The following SND1 variants were observed in gnomAD, a reference collection of about 807,000 sequenced individuals.
SND1 encodes staphylococcal nuclease domain-containing protein 1.
A neutral mutation model predicts 121.7 loss-of-function variants in SND1; 38 were observed. The observed-to-expected ratio is 0.31, with a 90% CI of 0.24 to 0.41. The LOEUF (loss-of-function observed/expected upper bound fraction) is 0.41, where lower values mean the gene tolerates loss of function less well. SND1 is among the 10% of genes least tolerant of loss of function. SND1 has a pLI of 1.00. For missense variants in SND1, 868 were observed against 1,184.6 expected (o/e 0.73, Z 3.92); for synonymous variants, 401 against 447.4 (o/e 0.90, Z 1.31).
chr7:128,078,951 G>A, intron 17 of SND1, among the ~76,000 whole-genome samples: 1 of 152,236 alleles, frequency 6.6e-6, no homozygotes, highest in East Asian at 1.9e-4. Flanking sequence ...CAGAGGACGT[G>A]CTGAGGGATT....
In SND1 at chr7:128,059,461, T is replaced by C. The variant is rs3757756; in HGVS notation, c.1780-15041T>C. Among the ~76,000 whole-genome samples, 7 of 152,380 alleles carry C rather than the reference T, an allele frequency of 4.6e-5. No individual in the cohort carries two copies. The East Asian group carries it at 1.3e-3, about 29-fold the overall frequency. ...AAGATAACAAAAACCCATTTCTTGG[T>C]CAGTTGATTAAAGTGAATGTTAGGT... On this transcript the variant is annotated intron_variant, in intron 16 of 23. Transcript: ENST00000354725.
chr7:127,853,216 G>A (rs1799205856), intron 12 of SND1, among the ~76,000 whole-genome samples: 1 of 152,144 alleles, frequency 6.6e-6, no homozygotes, highest in East Asian at 1.9e-4. Context: ...GCAAGTGGGG[G>A]CTCGGGGTTG....
At position 127,652,202 on chromosome 7, in the gene SND1, C is replaced by T; in HGVS notation, c.-172C>T. 7.5e-6 allele frequency: 5 copies of T among 668,382 alleles called. No individual in the cohort carries two copies. The highest frequency in any genetic ancestry group is 1.4e-5 in the Non-Finnish European group (5 of 366,100). 41.4% of individuals were successfully genotyped at this position (668,382 alleles called of 1,614,324 possible). On this transcript the variant is annotated 5_prime_UTR_variant, in exon 1 of 24. Coordinates refer to ENST00000354725, the MANE Select transcript of SND1 (RefSeq NM_014390.4). ...GGCGGCGGAGATCGCGTCTCTTTCG[C>T]TCCGTGTCCCGCTGCTGCTCCTGTG...
In SND1 at chr7:128,089,521, A is replaced by T; in HGVS notation, c.2451A>T (p.Val817=). ...CCCGCACGGACGCCGTGGACAGCGTAGTTCGGGATATCCAGAACACTCAGT... is the reference window on the plus strand; with the variant it reads ...CCCGCACGGACGCCGTGGACAGCGTTGTTCGGGATATCCAGAACACTCAGT... ...DDARTDAVDS[V]VRDIQNTQCL... is the part of the protein sequence containing the mutation. Residue 817 remains valine, a synonymous_variant, in exon 22 of 24, where the codon GTA becomes GTT. Coordinates refer to ENST00000354725, the MANE Select transcript of SND1 (RefSeq NM_014390.4). 17 of 1,614,156 alleles carry T rather than the reference A, an allele frequency of 1.1e-5. No individual in the cohort carries two copies. The highest frequency in any genetic ancestry group is 1.4e-5 in the Non-Finnish European group (17 of 1,179,986).
At chr7:127,742,853 G>C (rs548791672) in intron 10 of SND1, among the ~76,000 whole-genome samples, 1 of 152,256 alleles carries the variant, frequency 6.6e-6, no homozygotes, top group South Asian at 2.1e-4. Flanking sequence ...ATGCAAGAGG[G>C]ACACACCCCA....
chr7:128,032,985 C>T (rs1459435613), intron 16 of SND1, among the ~76,000 whole-genome samples: 1 of 152,160 alleles, frequency 6.6e-6, no homozygotes, highest in Non-Finnish European at 1.5e-5. Flanking sequence ...CGACACAGCC[C>T]GTTCATTCAT....
intron 16 of SND1, among the ~76,000 whole-genome samples, chr7:128,046,287 T>C (rs1792944323): frequency 6.6e-6 from 1 of 151,840 alleles, no homozygotes. Flanking sequence ...TTTGTAGAGA[T>C]GGGATCCTGC....
At chr7:127,998,183 T>A (rs1261519887) in intron 16 of SND1, 1 of 331,756 alleles carries the variant, frequency 3.0e-6, no homozygotes, top group African/African-American at 2.2e-5. Flanking sequence ...TATTTTGTTG[T>A]CCTTTATGGT....
intron 14 of SND1, among the ~76,000 whole-genome samples, chr7:127,908,314 ATAAATGTG>A (rs1181169112): frequency 1.6e-5 from 2 of 122,818 alleles, no homozygotes; most frequent in South Asian, 5.9e-4. Context: ...AAAAATAATA[ATAAATGTG>A]TGTGTGTGTG....
intron 13 of SND1, among the ~76,000 whole-genome samples, chr7:127,900,242 A>T (rs1029428672): frequency 6.6e-6 from 1 of 152,100 alleles, no homozygotes; most frequent in Non-Finnish European, 1.5e-5. Flanking sequence ...TATGATTGTG[A>T]TAAGGTTGGA....
chr7:127,929,160 G>A (rs748155834), intron 14 of SND1, 28 bp from the exon 15 acceptor site: 1 of 1,612,046 alleles, frequency 6.2e-7, no homozygotes, highest in Admixed American at 1.7e-5. Context: ...TTACTTTCCA[G>A]TTACTCTTTT....
chr7:127,904,915 C>A, intron 14 of SND1, 96 bp downstream of exon 14: 1 of 811,928 alleles, frequency 1.2e-6, no homozygotes, highest in South Asian at 1.5e-5. Context: ...TTTTCTCTAG[C>A]TCGCTCCTTT....
At chr7:127,940,903 T>G (rs1329185395) in intron 15 of SND1, among the ~76,000 whole-genome samples, 2 of 152,230 alleles carry the variant, frequency 1.3e-5, no homozygotes, top group East Asian at 3.9e-4. Context: ...GGCGTCATAG[T>G]TTCAGTCCTG....
intron 10 of SND1, among the ~76,000 whole-genome samples, chr7:127,758,613 TTAC>T (rs1343305248): frequency 6.6e-6 from 1 of 152,224 alleles, no homozygotes; most frequent in Admixed American, 6.5e-5. Flanking sequence ...ATTTCAGCAT[TTAC>T]TACTACCTGA....
chr7:127,771,784 C>T (rs1415739887), intron 10 of SND1, among the ~76,000 whole-genome samples: 1 of 152,116 alleles, frequency 6.6e-6, no homozygotes, highest in Non-Finnish European at 1.5e-5. Context: ...GGAACCTTAA[C>T]TTTAATTAAA....
rs1047161140 is a variant in SND1 at position 128,088,446 on chromosome 7, CTTTTTTTTT to C, written c.2419-1027_2419-1019del. Among the ~76,000 whole-genome samples the C allele has an allele frequency of 7.5e-5, 6 of 80,158 alleles. No individual in the cohort carries two copies. In the South Asian group the frequency reaches 2.9e-3, roughly 39 times the overall value. The allele number at this position is 80,158 out of a possible 152,430, so 52.6% of individuals were successfully genotyped here. On this transcript the variant is annotated intron_variant, in intron 21 of 23. Transcript: ENST00000354725. Reference sequence around the variant, plus strand: ...TGCACTCTGGCCAGTCCCTATCTCTCTTTTTTTTTTTTTTTTTTTTTTTTGAGATGAATT... The same window carrying C: ...TGCACTCTGGCCAGTCCCTATCTCTCTTTTTTTTTTTTTTTGAGATGAATT...
At chr7:127,970,429 T>C (rs1335690105) in intron 15 of SND1, among the ~76,000 whole-genome samples, 1 of 152,254 alleles carries the variant, frequency 6.6e-6, no homozygotes, top group African/African-American at 2.4e-5. Context: ...CTAAGGTTCT[T>C]TCTCCAGCTA....
chr7:128,090,826 C>G (rs1239561416), intron 22 of SND1, among the ~76,000 whole-genome samples: 1 of 152,162 alleles, frequency 6.6e-6, no homozygotes, highest in Non-Finnish European at 1.5e-5. Flanking sequence ...CTAAGCCCCT[C>G]TGGATAGACC....
chr7:127,668,207 A>C (rs1428197949), intron 1 of SND1, among the ~76,000 whole-genome samples: 1 of 152,208 alleles, frequency 6.6e-6, no homozygotes, highest in East Asian at 1.9e-4. Context: ...CAGGTGATTG[A>C]TGTTTGCACA....
Sources: allele counts gnomAD v4.1 joint callset (sites outside exome capture counted in the v4.1 genomes callset), GRCh38; gene constraint gnomAD v4.1.1; transcripts MANE v1.5; gene names NCBI Gene and HGNC (gene_info 2026-07-23, HGNC 2026-07-21).